DGKB: variants seen among roughly 807,000 people sequenced by gnomAD.
DGKB encodes 90 kDa diacylglycerol kinase.
Under a neutral mutation model 114.3 loss-of-function variants are expected in DGKB, and 67 were observed. That is an observed-to-expected ratio of 0.59 (90% CI 0.48 to 0.72). DGKB has a LOEUF of 0.72. Ranked by LOEUF, DGKB falls within the 30% of genes least tolerant of loss-of-function variation. The pLI is 0.00. For synonymous variants in DGKB, 398 were observed against 323.1 expected (o/e 1.23, Z -2.49); for missense variants, 907 against 975.2 (o/e 0.93, Z 0.93).
intron 17 of DGKB, among the ~76,000 whole-genome samples, chr7:14,606,053 TA>T (rs1804448412): frequency 6.6e-6 from 1 of 152,104 alleles, no homozygotes; most frequent in Non-Finnish European, 1.5e-5. Context: ...TGATTCAACT[TA>T]CAGGGGTCTT....
At chr7:14,554,765 T>C (rs920889550) in intron 20 of DGKB, among the ~76,000 whole-genome samples, 10 of 152,154 alleles carry the variant, frequency 6.6e-5, no homozygotes, top group Non-Finnish European at 1.3e-4. Context: ...ACCTATTGCA[T>C]AATTTTATCG....
chr7:14,769,123 A>AAGAG (rs756712026), intron 2 of DGKB, among the ~76,000 whole-genome samples: 1,127 of 89,068 alleles, frequency 0.013, 13 homozygotes, highest in Admixed American at 0.022. Context: ...GAAAGAAAGA[A>AAGAG]AGAGAGAGAG....
chr7:14,368,925 T>C (rs547142620), intron 21 of DGKB, among the ~76,000 whole-genome samples: 1 of 152,164 alleles, frequency 6.6e-6, no homozygotes, highest in East Asian at 1.9e-4. Flanking sequence ...TGCTGTGTTT[T>C]GTTGTTGTTT....
chr7:14,509,517 C>A (rs1231443153), intron 20 of DGKB, among the ~76,000 whole-genome samples: 1 of 152,198 alleles, frequency 6.6e-6, no homozygotes, highest in African/African-American at 2.4e-5. Context: ...GTAGTTTAGA[C>A]ACATGCCTTT....
chr7:14,530,312 G>C (rs1027792660), intron 20 of DGKB, among the ~76,000 whole-genome samples: 3 of 151,332 alleles, frequency 2.0e-5, no homozygotes, highest in African/African-American at 7.3e-5. Context: ...TATGCCTTTG[G>C]TCATCCTGAG....
At chr7:14,438,687 A>T (rs1829629216) in intron 21 of DGKB, among the ~76,000 whole-genome samples, 1 of 152,160 alleles carries the variant, frequency 6.6e-6, no homozygotes, top group African/African-American at 2.4e-5. Flanking sequence ...ATTTTATCTC[A>T]AATTAGACCC....
At chr7:14,464,146 T>A (rs1324556366) in intron 21 of DGKB, among the ~76,000 whole-genome samples, 1 of 152,086 alleles carries the variant, frequency 6.6e-6, no homozygotes, top group East Asian at 1.9e-4. Flanking sequence ...TAGTTATATT[T>A]GAAAATAATT....
chr7:14,817,876 T>C (rs777652448), intron 2 of DGKB, among the ~76,000 whole-genome samples: 1 of 152,040 alleles, frequency 6.6e-6, no homozygotes, highest in Non-Finnish European at 1.5e-5. Context: ...AATGTACATG[T>C]GCATATAGAA....
rs573536113 is a variant in DGKB, at chr7:14,385,802, C to T, written c.1836-40411G>A. 2.6e-5 allele frequency among the ~76,000 whole-genome samples: 4 copies of T among 152,294 alleles called. No homozygotes were observed. In the South Asian group the frequency reaches 6.2e-4, roughly 24 times the overall value. On this transcript the variant is annotated intron_variant, in intron 21 of 25. Coordinates refer to ENST00000402815, the MANE Select transcript of DGKB (RefSeq NM_001350709.2). The stretch of plus-strand genomic sequence containing the variant: ...TAAATAATAAGATCTAGCAGTAGGT[C>T]TACTAACTACCATACTTTTAAAGTA...
chr7:14,746,964 C>T (rs1398283184), intron 4 of DGKB, among the ~76,000 whole-genome samples: 1 of 151,320 alleles, frequency 6.6e-6, no homozygotes, highest in African/African-American at 2.4e-5. Flanking sequence ...AAAAAATCTT[C>T]CTTTGAAAAA....
At chr7:14,424,478 GTCTATCACTC>G (rs1233189214) in intron 21 of DGKB, among the ~76,000 whole-genome samples, 1 of 151,614 alleles carries the variant, frequency 6.6e-6, no homozygotes, top group Admixed American at 6.6e-5. Flanking sequence ...AAAGAGTTAG[GTCTATCACTC>G]TCTGGAAGCT....
intron 9 of DGKB, 116 bp downstream of exon 9, chr7:14,693,959 G>A (rs1488639486): frequency 2.0e-5 from 24 of 1,200,858 alleles, no homozygotes; most frequent in Non-Finnish European, 2.6e-5. Context: ...AAAAGTTCCA[G>A]GCACTCACTG....
At chr7:14,375,913 A>G (rs1818407382) in intron 21 of DGKB, among the ~76,000 whole-genome samples, 1 of 152,232 alleles carries the variant, frequency 6.6e-6, no homozygotes. Flanking sequence ...AATCCTCTAC[A>G]TGAAGGTCTT....
chr7:14,674,982 A>G (rs561755537), intron 12 of DGKB, among the ~76,000 whole-genome samples: 2 of 152,118 alleles, frequency 1.3e-5, no homozygotes, highest in East Asian at 1.9e-4. Context: ...GTACTATGAA[A>G]ACGGCACTAA....
Position 14,714,076 on chromosome 7 carries a change from A to AACACAC in DGKB, c.466+4460_466+4465dup, listed in dbSNP as rs71004329. On this transcript the variant is annotated intron_variant, in intron 6 of 25. Coordinates refer to ENST00000402815, the MANE Select transcript of DGKB (RefSeq NM_001350709.2). ...CATTTATTGAGCATATACCTGTTGA[A>AACACAC]ACACACACACACACACACACACACA... Among the ~76,000 whole-genome samples the AACACAC allele has an allele frequency of 2.4e-3, 352 of 147,760 alleles. 2 individuals are homozygous for AACACAC. The highest frequency in any genetic ancestry group is 5.0e-3 in the Admixed American group (73 of 14,600).
At chr7:14,342,728 T>C (rs1374866206) in intron 22 of DGKB, among the ~76,000 whole-genome samples, 1 of 151,930 alleles carries the variant, frequency 6.6e-6, no homozygotes, top group Non-Finnish European at 1.5e-5. Context: ...AAATAATATA[T>C]GTGCATTGTT....
chr7:14,720,492 TGTGTGTG>T (rs1828981512), intron 5 of DGKB, among the ~76,000 whole-genome samples: 2 of 149,216 alleles, frequency 1.3e-5, no homozygotes. Flanking sequence ...TGTGTGTGTG[TGTGTGTG>T]TGTGTGTGTG....
At chr7:14,922,038 G>A (rs1784528714) in intron 1 of DGKB, among the ~76,000 whole-genome samples, 1 of 152,040 alleles carries the variant, frequency 6.6e-6, no homozygotes, top group Admixed American at 6.6e-5. Flanking sequence ...TTTTTCAGAA[G>A]AGATGCTAAA....
chr7:14,674,630 A>C (rs547888466), intron 12 of DGKB, among the ~76,000 whole-genome samples: 31 of 152,100 alleles, frequency 2.0e-4, no homozygotes, highest in Non-Finnish European at 3.7e-4. Flanking sequence ...ATTTAAGCTA[A>C]GATGTTGGTT....
Sources: gnomAD v4.1 joint callset for allele counts (sites outside exome capture counted in the v4.1 genomes callset) on GRCh38, gnomAD v4.1.1 for gene constraint, MANE v1.5 for transcripts, NCBI Gene and HGNC (gene_info 2026-07-23, HGNC 2026-07-21) for gene names.